Variants in HS6ST3 observed in about 807,000 individuals in gnomAD.
HS6ST3 encodes heparan-sulfate 6-O-sulfotransferase 3.
In HS6ST3, 12 loss-of-function variants were observed where a neutral mutation model predicts 36.7. That is an observed-to-expected ratio of 0.33 (90% confidence interval 0.21 to 0.53). The LOEUF (loss-of-function observed/expected upper bound fraction) is 0.53, where lower values mean the gene tolerates loss of function less well. HS6ST3 is among the 20% of genes least tolerant of loss of function. The pLI is 0.95. For synonymous variants in HS6ST3, 240 were observed against 257.5 expected (o/e 0.93, Z 0.65); for missense variants, 584 against 640.9 (o/e 0.91, Z 0.96).
At chr13:96,317,257 G>T (rs1237035012) in intron 1 of HS6ST3, among the ~76,000 whole-genome samples, 1 of 148,560 alleles carries the variant, frequency 6.7e-6, no homozygotes, top group East Asian at 2.0e-4. Context: ...TAGGATTATA[G>T]TCTCCAGCTC....
intron 1 of HS6ST3, among the ~76,000 whole-genome samples, chr13:96,517,565 T>G (rs570954504): frequency 5.3e-5 from 8 of 152,302 alleles, no homozygotes; most frequent in African/African-American, 1.9e-4. Context: ...GCACCTTTCT[T>G]TCATATTTTT....
intron 1 of HS6ST3, among the ~76,000 whole-genome samples, chr13:96,513,393 G>A (rs959589719): frequency 6.6e-6 from 1 of 151,516 alleles, no homozygotes; most frequent in South Asian, 2.1e-4. Flanking sequence ...CTCATTTGGG[G>A]TTTTCTTTTC....
chr13:96,273,654 A>G (rs1177155992), intron 1 of HS6ST3, among the ~76,000 whole-genome samples: 2 of 150,388 alleles, frequency 1.3e-5, no homozygotes, highest in East Asian at 1.9e-4. Context: ...ACTGAAGGTG[A>G]CATTCTCTTT....
At chr13:96,173,693 A>AAG (rs397947223) in intron 1 of HS6ST3, among the ~76,000 whole-genome samples, 3 of 150,200 alleles carry the variant, frequency 2.0e-5, no homozygotes, top group African/African-American at 7.4e-5. Flanking sequence ...AAAAAAAAAA[A>AAG]TGGAGTCCAG....
intron 1 of HS6ST3, among the ~76,000 whole-genome samples, chr13:96,230,380 C>T (rs923568621): frequency 6.6e-6 from 1 of 152,052 alleles, no homozygotes; most frequent in Non-Finnish European, 1.5e-5. Flanking sequence ...GATGATCAAC[C>T]AGATAGGGAT....
chr13:96,768,417 G>A (rs1179969119), intron 1 of HS6ST3, among the ~76,000 whole-genome samples: 2 of 152,178 alleles, frequency 1.3e-5, no homozygotes, highest in African/African-American at 4.8e-5. Context: ...ACACGTATAA[G>A]CCTTTCTTAG....
chr13:96,694,114 C>T (rs936385224), intron 1 of HS6ST3, among the ~76,000 whole-genome samples: 3 of 152,042 alleles, frequency 2.0e-5, no homozygotes, highest in Admixed American at 6.6e-5. Context: ...TATTTAGTCA[C>T]CCAAGTATTA....
At chr13:96,268,028 C>A (rs1368449958) in intron 1 of HS6ST3, among the ~76,000 whole-genome samples, 4 of 151,786 alleles carry the variant, frequency 2.6e-5, no homozygotes, top group African/African-American at 9.7e-5. Flanking sequence ...AGAGAGAGAG[C>A]AAGCTCTGAT....
At chr13:96,305,435 ATTC>A (rs1431624148) in intron 1 of HS6ST3, among the ~76,000 whole-genome samples, 10 of 152,164 alleles carry the variant, frequency 6.6e-5, no homozygotes, top group African/African-American at 2.4e-5. Flanking sequence ...AACTTGCTTT[ATTC>A]TTCTCATCAA....
Position 96,770,103 on chromosome 13 carries a change from C to G in HS6ST3, c.708-62387C>G, listed in dbSNP as rs903076994. On this transcript the variant is annotated intron_variant, in intron 1 of 1. Transcript: ENST00000376705. The stretch of plus-strand genomic sequence containing the variant: ...ATACCAGTCCTTATCTTTGTTATGG[C>G]TATTAGGGACAGATATTCTCATTAA... 6.8e-4 allele frequency among the ~76,000 whole-genome samples: 104 copies of G among 152,238 alleles called. 1 individual carries two copies. Among genetic ancestry groups the G allele is most frequent in the African/African-American group, 2.4e-3 (99 of 41,522 alleles).
Position 96,091,297 on chromosome 13 carries a change from C to G in HS6ST3, c.435C>G (p.Arg145=). Residue 145 remains arginine, a synonymous_variant, in exon 1 of 2, where the codon CGC becomes CGG. Transcript: ENST00000376705. ...TRFVDFNIKG[R]DVIVFLHIQK... is the part of the protein sequence containing the mutation. ...TCGTGGATTTCAACATCAAAGGGCG[C>G]GACGTGATCGTGTTCCTCCACATCC... 6.2e-7 allele frequency: 1 copy of G among 1,613,742 alleles called. No individual in the cohort carries two copies. Among genetic ancestry groups the G allele is most frequent in the Non-Finnish European group, 8.5e-7 (1 of 1,179,870 alleles).
At chr13:96,097,303 A>G (rs1024692785) in intron 1 of HS6ST3, among the ~76,000 whole-genome samples, 1 of 152,162 alleles carries the variant, frequency 6.6e-6, no homozygotes, top group African/African-American at 2.4e-5. Context: ...ATATTCCCCA[A>G]AGCTAATTAT....
chr13:96,337,500 C>G (rs2055107929), intron 1 of HS6ST3, among the ~76,000 whole-genome samples: 1 of 152,060 alleles, frequency 6.6e-6, no homozygotes, highest in Non-Finnish European at 1.5e-5. Flanking sequence ...TTCATTGTTT[C>G]CAGTTTCCAG....
intron 1 of HS6ST3, among the ~76,000 whole-genome samples, chr13:96,827,353 G>A (rs563650199): frequency 3.1e-4 from 47 of 152,224 alleles, no homozygotes; most frequent in African/African-American, 9.4e-4. Context: ...TAACTGTAAC[G>A]GAAAATATAC....
chr13:96,172,154 C>T (rs2054190488), intron 1 of HS6ST3, among the ~76,000 whole-genome samples: 1 of 152,196 alleles, frequency 6.6e-6, no homozygotes, highest in African/African-American at 2.4e-5. Context: ...TTGTTGAGTC[C>T]TGCACAGCCT....
intron 1 of HS6ST3, among the ~76,000 whole-genome samples, chr13:96,152,562 C>T (rs1377194141): frequency 6.6e-6 from 1 of 152,118 alleles, no homozygotes; most frequent in African/African-American, 2.4e-5. Flanking sequence ...TGGTCTCCAT[C>T]TCCTGACCTT....
At chr13:96,131,895 T>C (rs1426679771) in intron 1 of HS6ST3, among the ~76,000 whole-genome samples, 1 of 151,842 alleles carries the variant, frequency 6.6e-6, no homozygotes, top group African/African-American at 2.4e-5. Context: ...CCTTATATCA[T>C]GGAAAAGATA....
At chr13:96,827,782 A>C (rs538799549) in intron 1 of HS6ST3, among the ~76,000 whole-genome samples, 1 of 152,196 alleles carries the variant, frequency 6.6e-6, no homozygotes, top group Non-Finnish European at 1.5e-5. Flanking sequence ...AACCAAAACC[A>C]TTTTAAGCCT....
At chr13:96,432,120 CCTTTA>C (rs2055618678) in intron 1 of HS6ST3, among the ~76,000 whole-genome samples, 1 of 152,072 alleles carries the variant, frequency 6.6e-6, no homozygotes, top group South Asian at 2.1e-4. Context: ...TGCCCTTTTT[CCTTTA>C]CTTTTGGAAC....
Sources: gnomAD v4.1 joint callset for allele counts (sites outside exome capture counted in the v4.1 genomes callset) on GRCh38, gnomAD v4.1.1 for gene constraint, MANE v1.5 for transcripts, NCBI Gene and HGNC (gene_info 2026-07-23, HGNC 2026-07-21) for gene names.